Variants in NPIPB15 observed in about 807,000 individuals in gnomAD.
NPIPB15 encodes nuclear pore complex-interacting protein family member B15.
Under a neutral mutation model 35.9 loss-of-function variants are expected in NPIPB15, and 5 were observed. The observed-to-expected ratio is 0.14, with a 90% CI of 0.07 to 0.29. The LOEUF (loss-of-function observed/expected upper bound fraction) is 0.29, where lower values mean the gene tolerates loss of function less well. Ranked by LOEUF, NPIPB15 falls within the 10% of genes least tolerant of loss-of-function variation. The probability of loss-of-function intolerance (pLI) is 1.00; values close to 1 mark genes in which losing one functional copy is unlikely to be tolerated. For synonymous variants in NPIPB15, 43 were observed against 182.0 expected, an observed-to-expected ratio of 0.24 and a Z score of 6.15; for missense variants, 100 against 506.1, an observed-to-expected ratio of 0.20 and a Z score of 7.70.
intron 2 of NPIPB15, among the ~76,000 whole-genome samples, chr16:74,380,837 C>CAAACAA (rs777673598): frequency 2.0e-5 from 3 of 149,834 alleles, no homozygotes; most frequent in East Asian, 2.0e-4. Context: ...AACAAAACAC[C>CAAACAA]AAACAAAAAC....
At position 74,387,340 on chromosome 16, in the gene NPIPB15, A is replaced by G. The variant is rs908957545; in HGVS notation, c.545+1591A>G. ...CAGTAGTTCCTTCTGGAATTCAGCAATGAAACTCAGGGAAATGGATTCCAA... is the reference window on the plus strand; with the variant it reads ...CAGTAGTTCCTTCTGGAATTCAGCAGTGAAACTCAGGGAAATGGATTCCAA... On this transcript the variant is annotated intron_variant, in intron 5 of 7. Transcript: ENST00000692376. Among the ~76,000 whole-genome samples, 19 of 148,672 alleles carry G rather than the reference A, an allele frequency of 1.3e-4. 1 individual carries two copies. The highest frequency in any genetic ancestry group is 2.5e-4 in the African/African-American group (10 of 39,588).
intron 3 of NPIPB15, 44 bp downstream of exon 3, chr16:74,381,742 A>G (rs1325682578): frequency 2.6e-5 from 39 of 1,528,350 alleles, no homozygotes; most frequent in African/African-American, 6.9e-5. Context: ...GTAATCACAA[A>G]TAAGAATAAA....
intron 5 of NPIPB15, 93 bp from the exon 6 acceptor site, chr16:74,389,732 G>T (rs1183933556): frequency 1.6e-6 from 1 of 633,630 alleles, no homozygotes; most frequent in African/African-American, 2.0e-5. Flanking sequence ...ATTGTGTAAG[G>T]GTACAGTTGT....
intron 2 of NPIPB15, among the ~76,000 whole-genome samples, chr16:74,378,960 C>T (rs1432838791): frequency 6.6e-6 from 1 of 151,926 alleles, no homozygotes; most frequent in Admixed American, 6.6e-5. Context: ...GCCACCACTC[C>T]CAGCTAATTT....
chr16:74,389,414 C>T (rs2012434498), intron 5 of NPIPB15, among the ~76,000 whole-genome samples: 1 of 149,902 alleles, frequency 6.7e-6, no homozygotes, highest in Non-Finnish European at 1.5e-5. Flanking sequence ...ACTGTGTCAC[C>T]CAGGCTGGAG....
chr16:74,391,501 T>C lies in NPIPB15; in HGVS notation c.753T>C (p.Thr251=), dbSNP rs1567418030. Residue 251 remains threonine, a synonymous_variant, in exon 8 of 8, where the codon ACT becomes ACC. Transcript: ENST00000692376. ...TGGGCCGCCAGCCACCTCCTCCAAC[T>C]CAACAACATTCTATAACTGATAACT... ...NRMGRQPPPP[T]QQHSITDNSL... 6.2e-7 allele frequency: 1 copy of C among 1,605,254 alleles called. No homozygotes were observed. Among genetic ancestry groups the C allele is most frequent in the Non-Finnish European group, 8.5e-7 (1 of 1,176,162 alleles).
intron 2 of NPIPB15, among the ~76,000 whole-genome samples, chr16:74,378,701 C>T (rs1296599501): frequency 1.0e-4 from 15 of 150,708 alleles, no homozygotes; most frequent in African/African-American, 2.7e-4. Context: ...TGAACCACCG[C>T]GCCTGGCCAA....
At chr16:74,377,600 G>C (rs1406932838) in intron 1 of NPIPB15, among the ~76,000 whole-genome samples, 1 of 152,000 alleles carries the variant, frequency 6.6e-6, no homozygotes, top group African/African-American at 2.4e-5. Context: ...ACGCTCCCTT[G>C]CCCCACGTGT....
In NPIPB15 at chr16:74,381,533, T is replaced by C. The variant is rs1469442243; in HGVS notation, c.84T>C (p.Ala28=). Residue 28 remains alanine (A), a synonymous_variant, in exon 3 of 8, where the codon GCT becomes GCC. Transcript: ENST00000692376. ...TATTCCAGGTCATCAATAGTCTGGC[T>C]GTCTATCGTCATCGTGAGACTGACT... ...HQPTPVINSL[A]VYRHRETDFG... is the part of the protein sequence containing the mutation. 1 of 1,591,406 alleles carries C rather than the reference T, an allele frequency of 6.3e-7. No homozygotes were observed. Among genetic ancestry groups the C allele is most frequent in the Admixed American group, 1.7e-5 (1 of 58,836 alleles).
rs572206032 is a variant in NPIPB15, at chr16:74,388,958, C to T, written c.546-867C>T. 1.9e-3 allele frequency: 1,729 copies of T among 926,244 alleles called. 3 individuals are homozygous for T. The African/African-American group carries it at 0.03, about 16-fold the overall frequency. 57.4% of individuals were successfully genotyped at this position (926,244 alleles called of 1,614,324 possible). On this transcript the variant is annotated intron_variant, in intron 5 of 7. Coordinates refer to ENST00000692376, the MANE Select transcript of NPIPB15 (RefSeq NM_001306094.2). ...TATCGTGAGAGAGAGAGAGAGTTCA[C>T]AAAACAGAAAACAAAGTACCTGAAT...
chr16:74,388,862 T>C lies in NPIPB15; in HGVS notation c.546-963T>C, dbSNP rs978664049. The C allele has an allele frequency of 9.4e-6, 9 of 958,130 alleles. 1 individual carries two copies. The African/African-American group carries it at 1.7e-4, about 18-fold the overall frequency. The allele number at this position is 958,130 out of a possible 1,614,324, so 59.4% of individuals were successfully genotyped here. On this transcript the variant is annotated intron_variant, in intron 5 of 7. Coordinates refer to ENST00000692376, the MANE Select transcript of NPIPB15 (RefSeq NM_001306094.2). ...CCCTCCTGGGAAACGCCCATTGGAG[T>C]GTTGTTTATAACCTCTGTACAATGT...
At chr16:74,381,020 G>C (rs1386516998) in intron 2 of NPIPB15, among the ~76,000 whole-genome samples, 2 of 149,466 alleles carry the variant, frequency 1.3e-5, no homozygotes, top group Admixed American at 6.7e-5. Context: ...GCAGAGACCT[G>C]TAATCTCAGC....
chr16:74,381,668 T>G lies in NPIPB15; in HGVS notation c.219T>G (p.Phe73Leu). The change falls in exon 3 of 8, where the codon TTT becomes TTG. Residue 73 changes from phenylalanine (F) to leucine (L), a missense_variant. Phe to Leu is a conservative substitution (Grantham distance 22). Coordinates refer to ENST00000692376, the MANE Select transcript of NPIPB15 (RefSeq NM_001306094.2). The stretch of plus-strand genomic sequence containing the variant: ...TTGGGTTTCTGAGACGTGACACATT[T>G]ACCATTCTCTTCTGCACAAGTTACC... ...IIIGFLRRDTFTILFCTSYLC... is the reference protein window; with the variant it reads ...IIIGFLRRDTLTILFCTSYLC... 3 of 1,593,058 alleles carry G rather than the reference T, an allele frequency of 1.9e-6. No homozygotes were observed. Among genetic ancestry groups the G allele is most frequent in the Non-Finnish European group, 2.5e-6 (3 of 1,176,566 alleles).
chr16:74,381,148 CAA>C (rs1166274271), intron 2 of NPIPB15, among the ~76,000 whole-genome samples: 14 of 74,194 alleles, frequency 1.9e-4, no homozygotes, highest in Admixed American at 3.3e-4. Flanking sequence ...ACTCTGTCTC[CAA>C]AAAAAAAAAA....
At chr16:74,386,213 G>C (rs1169240922) in intron 5 of NPIPB15, among the ~76,000 whole-genome samples, 1 of 127,494 alleles carries the variant, frequency 7.8e-6, no homozygotes, top group East Asian at 3.0e-4. Flanking sequence ...TCGAACTTCT[G>C]ACCTCAGGTA....
chr16:74,384,990 C>CTT (rs760498050), intron 3 of NPIPB15, among the ~76,000 whole-genome samples: 4 of 86,750 alleles, frequency 4.6e-5, no homozygotes, highest in Non-Finnish European at 4.5e-5. Context: ...TCATGTCATT[C>CTT]TTGTGTGTGT....
In NPIPB15 at chr16:74,381,523, A is replaced by G. The variant is rs777956252; in HGVS notation, c.74A>G (p.Asn25Ser). ...FISHQPTPVINSLAVYRHRET... is the reference protein window; with the variant it reads ...FISHQPTPVISSLAVYRHRET... The stretch of plus-strand genomic sequence containing the variant: ...CAACTATTATTATTCCAGGTCATCA[A>G]TAGTCTGGCTGTCTATCGTCATCGT... Residue 25 changes from asparagine (N) to serine (S), a missense_variant, in exon 3 of 8, where the codon AAT (asparagine) becomes AGT (serine). Physicochemically the swap from Asn to Ser is conservative, Grantham distance 46. Coordinates refer to ENST00000692376, the MANE Select transcript of NPIPB15 (RefSeq NM_001306094.2). 4 of 1,592,358 alleles carry G rather than the reference A, an allele frequency of 2.5e-6. No individual in the cohort carries two copies. Among genetic ancestry groups the G allele is most frequent in the East Asian group, 2.2e-5 (1 of 44,570 alleles).
chr16:74,381,494 C>T (rs9931859), intron 2 of NPIPB15, 22 bp from the exon 3 acceptor site: 2 of 1,387,098 alleles, frequency 1.4e-6, no homozygotes, highest in Non-Finnish European at 2.0e-6. Flanking sequence ...CCTTTTCATT[C>T]TTTCAACTAT....
At chr16:74,384,993 G>GTC (rs1471692095) in intron 3 of NPIPB15, among the ~76,000 whole-genome samples, 1 of 9,762 alleles carries the variant, frequency 1.0e-4, no homozygotes, top group African/African-American at 7.7e-4. Flanking sequence ...TGTCATTCTT[G>GTC]TGTGTGTGTG....
Sources: gnomAD v4.1 joint callset for allele counts (sites outside exome capture counted in the v4.1 genomes callset) on GRCh38, gnomAD v4.1.1 for gene constraint, MANE v1.5 for transcripts, NCBI Gene and HGNC (gene_info 2026-07-23, HGNC 2026-07-21) for gene names.